POLR1A: variants seen among roughly 807,000 people sequenced by gnomAD.
POLR1A encodes the protein DNA-directed RNA polymerase I subunit RPA1.
POLR1A carries 84 observed loss-of-function variants against 205.3 expected under a neutral mutation model. The observed-to-expected ratio is 0.41, with a 90% CI of 0.34 to 0.49. The LOEUF is 0.49. Ranked by LOEUF, POLR1A falls within the 20% of genes least tolerant of loss-of-function variation. The pLI is 0.22. For missense variants in POLR1A, 1,645 were observed against 2,204.5 expected, an observed-to-expected ratio of 0.75 and a Z score of 5.08; for synonymous variants, 799 against 863.7, an observed-to-expected ratio of 0.93 and a Z score of 1.31.
Position 86,103,765 on chromosome 2 carries a change from A to G in POLR1A, c.77+1935T>C, listed in dbSNP as rs1223138760. ...TAGTGGAGGAAGACAAATATACATAAGCACAAAAAGTCACTAAAGCACCAT... is the reference window on the plus strand; with the variant it reads ...TAGTGGAGGAAGACAAATATACATAGGCACAAAAAGTCACTAAAGCACCAT... On this transcript the variant is annotated intron_variant, in intron 1 of 33. Coordinates refer to ENST00000263857, the MANE Select transcript of POLR1A (RefSeq NM_015425.6). Among the ~76,000 whole-genome samples, 3 of 152,228 alleles carry G rather than the reference A, an allele frequency of 2.0e-5. No individual in the cohort carries two copies. The East Asian group carries it at 5.8e-4, about 29-fold the overall frequency.
intron 11 of POLR1A, among the ~76,000 whole-genome samples, chr2:86,076,179 A>G (rs918882472): frequency 2.6e-5 from 4 of 152,336 alleles, no homozygotes; most frequent in Non-Finnish European, 5.9e-5. Flanking sequence ...TGAATATTAT[A>G]AACCTCTAAT....
intron 30 of POLR1A, among the ~76,000 whole-genome samples, chr2:86,031,026 T>C (rs1277793629): frequency 4.6e-5 from 7 of 152,216 alleles, no homozygotes; most frequent in Admixed American, 4.6e-4. Context: ...ATCAGTCTTG[T>C]GTGTCTTGAA....
At chr2:86,056,525 A>G (rs57083584) in intron 14 of POLR1A, among the ~76,000 whole-genome samples, 6,213 of 151,874 alleles carry the variant, frequency 0.041, 251 homozygotes, top group East Asian at 0.23. Context: ...AGGTTGCCGC[A>G]CTAAACAATA....
chr2:86,058,521 T>C (rs1181200867), intron 14 of POLR1A, among the ~76,000 whole-genome samples: 1 of 146,586 alleles, frequency 6.8e-6, no homozygotes, highest in Non-Finnish European at 1.5e-5. Context: ...ATGTTGAATA[T>C]GAATTATATC....
intron 30 of POLR1A, 28 bp from the exon 31 acceptor site, chr2:86,030,424 G>C: frequency 6.6e-7 from 1 of 1,511,658 alleles, no homozygotes; most frequent in East Asian, 2.3e-5. Flanking sequence ...GCTGGGTAGG[G>C]TGACAGCTAC....
At chr2:86,077,805 G>GCA in intron 11 of POLR1A, 54 bp downstream of exon 11, 2 of 1,013,526 alleles carry the variant, frequency 2.0e-6, no homozygotes, top group African/African-American at 2.6e-5. Flanking sequence ...CCCTGCACGC[G>GCA]CGCGCGCACA....
In POLR1A at chr2:86,075,090, G is replaced by A. The variant is rs377476914; in HGVS notation, c.1551C>T (p.Ala517=). The A allele has an allele frequency of 3.3e-5, 53 of 1,612,516 alleles. No homozygotes were observed. Among genetic ancestry groups the A allele is most frequent in the Non-Finnish European group, 4.1e-5 (48 of 1,179,938 alleles). The part of the protein sequence containing the change: ...LSAVDMTQRE[A]VAKQLLTPAT... ...CTGGGGTCAGAAGCTGCTTGGCCAC[G>A]GCCTCTCGCTGGGTCATGTCCACAG... Residue 517 remains alanine (A), a synonymous_variant, in exon 12 of 34, where the codon GCC becomes GCT. Coordinates refer to ENST00000263857, the MANE Select transcript of POLR1A (RefSeq NM_015425.6).
chr2:86,057,520 T>C (rs114947057), intron 14 of POLR1A, among the ~76,000 whole-genome samples: 178 of 152,326 alleles, frequency 1.2e-3, no homozygotes, highest in Middle Eastern at 6.8e-3. Flanking sequence ...CAAATGTTCA[T>C]TGCAGGTTTA....
In POLR1A at chr2:86,040,373, G is replaced by T. The variant is rs762139653; in HGVS notation, c.3740+19C>A. The stretch of plus-strand genomic sequence containing the variant: ...GAGGCTAGGACAGACCCCACCCTGT[G>T]CTCCCTTGTGCCCCACACCTTGGAA... On this transcript the variant is annotated intron_variant, in intron 25 of 33. Coordinates refer to ENST00000263857, the MANE Select transcript of POLR1A (RefSeq NM_015425.6). The T allele has an allele frequency of 3.2e-6, 5 of 1,574,140 alleles. No individual in the cohort carries two copies. In the African/African-American group the frequency reaches 5.4e-5, roughly 17 times the overall value.
At chr2:86,092,977 T>G (rs1673635435) in intron 3 of POLR1A, among the ~76,000 whole-genome samples, 1 of 152,066 alleles carries the variant, frequency 6.6e-6, no homozygotes, top group Non-Finnish European at 1.5e-5. Flanking sequence ...AGAAATCAAA[T>G]CCAACAACAT....
rs770540677 is a variant in POLR1A, at chr2:86,043,113, T to C, written c.3218A>G (p.Lys1073Arg). 6.2e-7 allele frequency: 1 copy of C among 1,614,184 alleles called. No individual in the cohort carries two copies. The highest frequency in any genetic ancestry group is 1.7e-5 in the Admixed American group (1 of 60,020). The change falls in exon 23 of 34, where the codon AAA becomes AGA. Residue 1073 changes from lysine (K) to arginine (R), a missense_variant. Physicochemically the swap from Lys to Arg is conservative, Grantham distance 26 (BLOSUM62 2). Transcript: ENST00000263857. ...KKALHHFRAI[K>R]KWQSKHPNTL... Reference sequence around the variant, plus strand: ...GTTGGGGTGCTTGCTTTGCCATTTTTTGATAGCTCTGAAGTGGTGGAGAGC... The same window carrying C: ...GTTGGGGTGCTTGCTTTGCCATTTTCTGATAGCTCTGAAGTGGTGGAGAGC...
chr2:86,054,897 C>G (rs958749954), intron 14 of POLR1A, among the ~76,000 whole-genome samples: 1 of 152,226 alleles, frequency 6.6e-6, no homozygotes, highest in African/African-American at 2.4e-5. Context: ...AGAGATGAAG[C>G]AGGGCAGGGG....
Position 86,077,977 on chromosome 2 carries a change from AG to A in POLR1A, c.1261del (p.Leu421TrpfsTer12). ...MDKYPGIRQILEKKEGLFRKH... is the reference protein window; with the variant it reads ...MDKYPGIRQIXEKKEGLFRKH... ...TCGGAACAGGCCTTCTTTCTTCTCC[AG>A]GATCTTTATGGAGAAAAAAGGTCAT... On this transcript the variant is annotated frameshift_variant, in exon 11 of 34. Coordinates refer to ENST00000263857, the MANE Select transcript of POLR1A (RefSeq NM_015425.6). LOFTEE classifies it high-confidence loss of function. 1 of 1,614,170 alleles carries A rather than the reference AG, an allele frequency of 6.2e-7. No homozygotes were observed. The highest frequency in any genetic ancestry group is 8.5e-7 in the Non-Finnish European group (1 of 1,180,018).
At chr2:86,053,719 C>A (rs974763679) in intron 15 of POLR1A, among the ~76,000 whole-genome samples, 6 of 152,150 alleles carry the variant, frequency 3.9e-5, no homozygotes, top group Non-Finnish European at 8.8e-5. Flanking sequence ...CATGCAGAGG[C>A]CTTGGAAATC....
At chr2:86,081,472 C>T in intron 8 of POLR1A, 129 bp downstream of exon 8, 3 of 616,832 alleles carry the variant, frequency 4.9e-6, no homozygotes, top group Non-Finnish European at 8.6e-6. Context: ...CCTCCCACCA[C>T]CTGCACCTGG....
In POLR1A at chr2:86,064,813, G is replaced by A. The variant is rs115441273; in HGVS notation, c.2058+461C>T. On this transcript the variant is annotated intron_variant, in intron 14 of 33. Transcript: ENST00000263857. ...TCTGTTGCCCAGGCAGGAGTGCAGT[G>A]GCTGATCCTGACTCACTACAACCTC... Among the ~76,000 whole-genome samples, 1,071 of 151,704 alleles carry A rather than the reference G, an allele frequency of 7.1e-3. 14 individuals carry two copies. Among genetic ancestry groups the A allele is most frequent in the African/African-American group, 0.024 (994 of 41,292 alleles).
intron 27 of POLR1A, 65 bp from the exon 28 acceptor site, chr2:86,033,852 G>T: frequency 6.3e-7 from 1 of 1,584,956 alleles, no homozygotes; most frequent in Non-Finnish European, 8.6e-7. Context: ...ACCCTCATTT[G>T]GGGGATAGGA....
Position 86,098,620 on chromosome 2 carries a change from A to C in POLR1A, c.423T>G (p.Ile141Met). Residue 141 changes from isoleucine (I) to methionine (M), a missense_variant, in exon 3 of 34, where the codon ATT (isoleucine) becomes ATG (methionine). By Grantham distance (10) the Ile-to-Met change is conservative. Transcript: ENST00000263857. ...ALQAVYELER[I>M]LNRFLEENPD... ...ACCACTACCCACCTACCCTGTTCAG[A>C]ATTCTCTCAAGCTCGTAGACTGCTT... 1 of 1,613,504 alleles carries C rather than the reference A, an allele frequency of 6.2e-7. No individual in the cohort carries two copies. The highest frequency in any genetic ancestry group is 8.5e-7 in the Non-Finnish European group (1 of 1,179,856).
chr2:86,070,479 A>G lies in POLR1A; in HGVS notation c.1612-207T>C, dbSNP rs947867140. On this transcript the variant is annotated intron_variant, in intron 12 of 33. Coordinates refer to ENST00000263857, the MANE Select transcript of POLR1A (RefSeq NM_015425.6). This position sits in a 1 kb window ranked among gnomAD's most constrained non-coding sequence, Gnocchi z 4.4. Reference sequence around the variant, plus strand: ...GCCCTTCTGGTCCTGGCCCTTTACAACCCTGATCCTGGCTCTAGGCTCAGA... The same window carrying G: ...GCCCTTCTGGTCCTGGCCCTTTACAGCCCTGATCCTGGCTCTAGGCTCAGA... Among the ~76,000 whole-genome samples the G allele has an allele frequency of 6.6e-6, 1 of 152,024 alleles. No individual in the cohort carries two copies. The highest frequency in any genetic ancestry group is 1.5e-5 in the Non-Finnish European group (1 of 68,008).
Sources: allele counts gnomAD v4.1 joint callset (sites outside exome capture counted in the v4.1 genomes callset), GRCh38; gene constraint gnomAD v4.1.1; non-coding constraint Gnocchi (gnomAD v3.1); transcripts MANE v1.5; gene names NCBI Gene and HGNC (gene_info 2026-07-23, HGNC 2026-07-21).